CCDC68: variants seen among roughly 807,000 people sequenced by gnomAD.
CCDC68 encodes coiled-coil domain-containing protein 68.
A neutral mutation model predicts 47.1 loss-of-function variants in CCDC68; 45 were observed. That is an observed-to-expected ratio of 0.96 (90% CI 0.75 to 1.23). CCDC68 has a LOEUF of 1.23. Ranked by LOEUF, CCDC68 falls within the 50% of genes most tolerant of loss-of-function variation. CCDC68 has a pLI of 0.00. For synonymous variants in CCDC68, 131 were observed against 129.5 expected (o/e 1.01, Z -0.08); for missense variants, 353 against 373.6 (o/e 0.94, Z 0.45).
chr18:54,917,684 C>T (rs976153680), intron 10 of CCDC68, among the ~76,000 whole-genome samples: 4 of 152,094 alleles, frequency 2.6e-5, no homozygotes, highest in Admixed American at 2.0e-4. Context: ...CACAGAGACA[C>T]ATGCACATAC....
At chr18:54,904,842 A>G (rs777651942) in intron 11 of CCDC68, among the ~76,000 whole-genome samples, 5 of 152,164 alleles carry the variant, frequency 3.3e-5, no homozygotes, top group Admixed American at 6.5e-5. Context: ...TAAAACTGTA[A>G]GTATGTGTGT....
intron 7 of CCDC68, among the ~76,000 whole-genome samples, chr18:54,934,497 T>G (rs1378101227): frequency 1.3e-5 from 2 of 152,194 alleles, no homozygotes; most frequent in Admixed American, 1.3e-4. Context: ...AGATGGACTT[T>G]GTGATCTTTT....
rs1382126564 is a variant in CCDC68 at position 54,902,607 on chromosome 18, G to A, written c.*1751C>T. The A allele has an allele frequency of 6.6e-6, 1 of 152,180 alleles. No individual in the cohort carries two copies. The highest frequency in any genetic ancestry group is 1.5e-5 in the Non-Finnish European group (1 of 68,028). The allele number at this position is 152,180 out of a possible 1,614,324, so 9.4% of individuals were successfully genotyped here. A position where few individuals can be genotyped will look rare whatever the true frequency, so the allele number is the denominator to read the frequency against. ...GAGTTCTCACAATGGTAGTCCAGCT[G>A]GTGAAAGATCAACTCATTTCAGCAA... is the stretch of plus-strand genomic sequence containing the variant. On this transcript the variant is annotated 3_prime_UTR_variant, in exon 12 of 12. Coordinates refer to ENST00000591504, the MANE Select transcript of CCDC68 (RefSeq NM_025214.3).
intron 10 of CCDC68, 87 bp downstream of exon 10, chr18:54,917,826 C>A (rs1163902791): frequency 1.4e-6 from 1 of 738,576 alleles, no homozygotes; most frequent in Non-Finnish European, 2.3e-6. Context: ...GATACTGATA[C>A]CCTCACGTGC....
At chr18:54,948,626 T>C (rs899583694) in intron 1 of CCDC68, among the ~76,000 whole-genome samples, 1 of 152,076 alleles carries the variant, frequency 6.6e-6, no homozygotes, top group African/African-American at 2.4e-5. Flanking sequence ...ATTGAGAGAG[T>C]AAATATTTAC....
intron 8 of CCDC68, among the ~76,000 whole-genome samples, chr18:54,924,378 G>C (rs1444307040): frequency 2.0e-5 from 3 of 152,094 alleles, no homozygotes; most frequent in Non-Finnish European, 2.9e-5. Context: ...ACACAATGGT[G>C]AATCCTCTGG....
At chr18:54,914,846 G>A (rs1240924802) in intron 10 of CCDC68, among the ~76,000 whole-genome samples, 1 of 152,154 alleles carries the variant, frequency 6.6e-6, no homozygotes, top group Admixed American at 6.5e-5. Flanking sequence ...GAGTACAATG[G>A]AAACAAATAC....
chr18:54,916,965 CA>C (rs2043963660), intron 10 of CCDC68, among the ~76,000 whole-genome samples: 1 of 152,168 alleles, frequency 6.6e-6, no homozygotes, highest in Admixed American at 6.5e-5. Context: ...TGCTGCTATG[CA>C]AGCTATGGCT....
intron 1 of CCDC68, among the ~76,000 whole-genome samples, chr18:54,957,381 G>A (rs1483907836): frequency 6.6e-6 from 1 of 152,188 alleles, no homozygotes; most frequent in Non-Finnish European, 1.5e-5. Flanking sequence ...TATGTGGTCT[G>A]TAAATCTATG....
chr18:54,956,760 G>A (rs922002995), intron 1 of CCDC68, among the ~76,000 whole-genome samples: 6 of 152,152 alleles, frequency 3.9e-5, no homozygotes, highest in East Asian at 1.9e-4. Flanking sequence ...GGGTAAGAAC[G>A]GTGAGTGATT....
rs1020371595 is a variant in CCDC68 at position 54,928,685 on chromosome 18, C to T, written c.683+115G>A. ...CCAAGAATTCAACCTTCCTCCTGCA[C>T]TGTCAGTCATCCTATTTCTTTGGGG... On this transcript the variant is annotated intron_variant, in intron 8 of 11. Transcript: ENST00000591504. The T allele has an allele frequency of 1.0e-5, 7 of 676,566 alleles. No homozygotes were observed. The African/African-American group carries it at 1.3e-4, about 12-fold the overall frequency. The allele number at this position is 676,566 out of a possible 1,614,324, so 41.9% of individuals were successfully genotyped here. A position where few individuals can be genotyped will look rare whatever the true frequency, so the allele number is the denominator to read the frequency against.
At position 54,941,027 on chromosome 18, in the gene CCDC68, A is replaced by G; in HGVS notation, c.174T>C (p.His58=). The change falls in exon 4 of 12, where the codon CAT becomes CAC. Residue 58 remains histidine (H), a synonymous_variant. Coordinates refer to ENST00000591504, the MANE Select transcript of CCDC68 (RefSeq NM_025214.3). The stretch of plus-strand genomic sequence containing the variant: ...CATCTAGTTTGTGATTTGTACTGTC[A>G]TGTCTTATTTCATCTTTAAACATCT... ...RTQMFKDEIR[H]DSTNHKLDAK... is the part of the protein sequence containing the mutation. The G allele has an allele frequency of 6.2e-7, 1 of 1,611,740 alleles. No individual in the cohort carries two copies.
At chr18:54,948,699 A>C (rs1038701688) in intron 1 of CCDC68, among the ~76,000 whole-genome samples, 1 of 152,188 alleles carries the variant, frequency 6.6e-6, no homozygotes, top group African/African-American at 2.4e-5. Flanking sequence ...GTTTCGTAGG[A>C]TTTTCAGTAC....
At chr18:54,912,453 G>A (rs901578573) in intron 10 of CCDC68, among the ~76,000 whole-genome samples, 1 of 151,978 alleles carries the variant, frequency 6.6e-6, no homozygotes, top group African/African-American at 2.4e-5. Flanking sequence ...AGGATAGAAA[G>A]ACCACCACAG....
In CCDC68 at chr18:54,948,337, C is replaced by T. The variant is rs542465890; in HGVS notation, c.-102-2860G>A. Among the ~76,000 whole-genome samples, 4 of 152,232 alleles carry T rather than the reference C, an allele frequency of 2.6e-5. No homozygotes were observed. The East Asian group carries it at 5.8e-4, about 22-fold the overall frequency. On this transcript the variant is annotated intron_variant, in intron 1 of 11. Transcript: ENST00000591504. The stretch of plus-strand genomic sequence containing the variant: ...AGGCAGAGATGTAGCGATGCTTCTG[C>T]ATGCCAAGGAACACCAACGATTACT...
chr18:54,902,199 G>A lies in CCDC68; in HGVS notation c.*2159C>T, dbSNP rs1046562417. ...TCACTGTTATCATTTTTGCATAGGT[G>A]GTTTCACCACTGTATTTCCATGTTC... On this transcript the variant is annotated 3_prime_UTR_variant, in exon 12 of 12. Coordinates refer to ENST00000591504, the MANE Select transcript of CCDC68 (RefSeq NM_025214.3). The A allele has an allele frequency of 1.3e-5, 2 of 152,070 alleles. No individual in the cohort carries two copies. The highest frequency in any genetic ancestry group is 2.4e-5 in the African/African-American group (1 of 41,404). 9.4% of individuals were successfully genotyped at this position (152,070 alleles called of 1,614,324 possible).
At chr18:54,949,324 G>A (rs765098942) in intron 1 of CCDC68, among the ~76,000 whole-genome samples, 2 of 152,184 alleles carry the variant, frequency 1.3e-5, no homozygotes, top group Non-Finnish European at 2.9e-5. Context: ...GAAAACCACG[G>A]CACATAGCAA....
intron 9 of CCDC68, 34 bp from the exon 10 acceptor site, chr18:54,918,030 G>T: frequency 2.2e-6 from 2 of 909,568 alleles, no homozygotes; most frequent in Non-Finnish European, 3.4e-6. Context: ...GAAAAACCTT[G>T]TCAGACCACA....
chr18:54,935,135 G>T (rs1486686362), intron 6 of CCDC68, among the ~76,000 whole-genome samples, 187 bp from the exon 7 acceptor site: 1 of 152,092 alleles, frequency 6.6e-6, no homozygotes, highest in African/African-American at 2.4e-5. Context: ...ATTAAATAGA[G>T]AATTAATAAT....
Sources: allele counts gnomAD v4.1 joint callset (sites outside exome capture counted in the v4.1 genomes callset), GRCh38; gene constraint gnomAD v4.1.1; transcripts MANE v1.5; gene names NCBI Gene and HGNC (gene_info 2026-07-23, HGNC 2026-07-21).